RFT1: variants seen among roughly 807,000 people sequenced by gnomAD.
The protein encoded by RFT1 is man(5)GlcNAc(2)-PP-dolichol translocation protein RFT1.
A neutral mutation model predicts 62.2 loss-of-function variants in RFT1; 43 were observed. The observed-to-expected ratio is 0.69, with a 90% CI of 0.54 to 0.89. The LOEUF (loss-of-function observed/expected upper bound fraction) is 0.89, where lower values mean the gene tolerates loss of function less well. Ranked by LOEUF, RFT1 falls within the 40% of genes least tolerant of loss-of-function variation. The pLI is 0.00. For synonymous variants in RFT1, 262 were observed against 264.6 expected, an observed-to-expected ratio of 0.99 and a Z score of 0.10; for missense variants, 605 against 649.9, an observed-to-expected ratio of 0.93 and a Z score of 0.75.
At chr3:53,124,237 C>T (rs369091952) in intron 2 of RFT1, among the ~76,000 whole-genome samples, 4 of 152,280 alleles carry the variant, frequency 2.6e-5, no homozygotes, top group East Asian at 1.9e-4. Context: ...GAGCCTCTAC[C>T]GAGTGGAGGC....
chr3:53,108,024 A>G (rs1319253304), intron 7 of RFT1, among the ~76,000 whole-genome samples: 1 of 152,156 alleles, frequency 6.6e-6, no homozygotes, highest in Non-Finnish European at 1.5e-5. Context: ...TAACAGTTCC[A>G]GCTTCTGCAA....
chr3:53,104,062 G>T lies in RFT1; in HGVS notation c.993C>A (p.Ser331=). 1 of 1,614,164 alleles carries T rather than the reference G, an allele frequency of 6.2e-7. No homozygotes were observed. Among genetic ancestry groups the T allele is most frequent in the Non-Finnish European group, 8.5e-7 (1 of 1,180,028 alleles). Residue 331 remains serine (S), a synonymous_variant, in exon 10 of 13, where the codon TCC becomes TCA. Transcript: ENST00000296292. ...CGGCCAGCAGGGCCAGCTTGAGCAG[G>T]GACTCCAAGACTGCAGCAGCCACAG... The part of the protein sequence containing the change: ...DVAVAAAVLE[S]LLKLALLAGL...
At chr3:53,120,081 A>C in intron 5 of RFT1, 60 bp from the exon 6 acceptor site, 1 of 1,434,224 alleles carries the variant, frequency 7.0e-7, no homozygotes, top group Non-Finnish European at 9.5e-7. Flanking sequence ...TATAAATTTG[A>C]TCTCAAAGGC....
intron 11 of RFT1, among the ~76,000 whole-genome samples, chr3:53,095,995 G>T (rs1435283141): frequency 5.9e-5 from 9 of 152,160 alleles, no homozygotes; most frequent in South Asian, 4.1e-4. Context: ...CAACTGATCT[G>T]CCTAGAAGTC....
chr3:53,114,742 T>C (rs1049020222), intron 6 of RFT1, among the ~76,000 whole-genome samples: 1 of 151,946 alleles, frequency 6.6e-6, no homozygotes, highest in Non-Finnish European at 1.5e-5. Context: ...GCCCTCACTG[T>C]ACTAACGGAG....
intron 6 of RFT1, among the ~76,000 whole-genome samples, chr3:53,119,004 A>G (rs943731474): frequency 3.3e-5 from 5 of 152,078 alleles, no homozygotes; most frequent in Non-Finnish European, 7.4e-5. Context: ...TAAACTCAGG[A>G]GTTCAACACT....
chr3:53,091,450 TGA>T lies in RFT1; in HGVS notation c.*451_*452del. ...CCACACTCTGTTTCCATGTGGTGCA[TGA>T]GAGAGAGAGGTTTCTCTCTCTCTTT... is the stretch of plus-strand genomic sequence containing the variant. On this transcript the variant is annotated 3_prime_UTR_variant, in exon 13 of 13. Coordinates refer to ENST00000296292, the MANE Select transcript of RFT1 (RefSeq NM_052859.4). 5.0e-6 allele frequency: 1 copy of T among 201,598 alleles called. No homozygotes were observed. The highest frequency in any genetic ancestry group is 1.0e-5 in the Non-Finnish European group (1 of 96,346). The allele number at this position is 201,598 out of a possible 1,614,324, so 12.5% of individuals were successfully genotyped here. A position where few individuals can be genotyped will look rare whatever the true frequency, so the allele number is the denominator to read the frequency against.
intron 10 of RFT1, among the ~76,000 whole-genome samples, chr3:53,102,207 A>G (rs1701336838): frequency 6.6e-6 from 1 of 152,234 alleles, no homozygotes; most frequent in Non-Finnish European, 1.5e-5. Flanking sequence ...AGCAACCATT[A>G]GCAACTAGAA....
At chr3:53,111,798 C>A in intron 7 of RFT1, 32 bp downstream of exon 7, 1 of 1,572,690 alleles carries the variant, frequency 6.4e-7, no homozygotes, top group South Asian at 1.1e-5. Context: ...CTACTATGGT[C>A]TCCCGACGAT....
intron 11 of RFT1, among the ~76,000 whole-genome samples, chr3:53,098,559 T>G (rs917186663): frequency 6.6e-6 from 1 of 151,970 alleles, no homozygotes; most frequent in African/African-American, 2.4e-5. Flanking sequence ...TCCCGGCACT[T>G]TGGGAGGCCA....
rs1459247415 is a variant in RFT1 at position 53,104,401 on chromosome 3, A to T, written c.958-304T>A. 2.7e-3 allele frequency among the ~76,000 whole-genome samples: 403 copies of T among 146,752 alleles called. 2 individuals carry two copies. The highest frequency in any genetic ancestry group is 9.5e-3 in the African/African-American group (385 of 40,496). ...GATATTTGTTCTTTTTTTTTTTTTT[A>T]AATAGAAATAGAGAAGGGAGTCTCA... is the stretch of plus-strand genomic sequence containing the variant. On this transcript the variant is annotated intron_variant, in intron 9 of 12. Coordinates refer to ENST00000296292, the MANE Select transcript of RFT1 (RefSeq NM_052859.4).
intron 3 of RFT1, 110 bp downstream of exon 3, chr3:53,123,614 C>G (rs531383673): frequency 1.2e-6 from 1 of 862,054 alleles, no homozygotes; most frequent in East Asian, 2.4e-5. Flanking sequence ...AAACCCATGA[C>G]GAAACTGAAT....
chr3:53,081,145 T>A, the RFT1 span, among the ~76,000 whole-genome samples: 2 of 152,134 alleles, frequency 1.3e-5, no homozygotes, highest in African/African-American at 4.8e-5. Flanking sequence ...GAGGACATCA[T>A]AAGAACCAGC....
chr3:53,076,475 CAA>C, the RFT1 span, among the ~76,000 whole-genome samples: 1 of 152,070 alleles, frequency 6.6e-6, no homozygotes, highest in African/African-American at 2.4e-5. Flanking sequence ...TGAGGAAAAA[CAA>C]AGAATCATAG....
intron 11 of RFT1, among the ~76,000 whole-genome samples, chr3:53,094,351 G>GCA (rs55637878): frequency 0.017 from 2,539 of 149,844 alleles, 48 homozygotes; most frequent in African/African-American, 0.052. Flanking sequence ...AATACTACAC[G>GCA]CACACACACA....
intron 2 of RFT1, 119 bp from the exon 3 acceptor site, chr3:53,123,959 T>A: frequency 1.3e-6 from 1 of 769,930 alleles, no homozygotes; most frequent in Non-Finnish European, 2.2e-6. Context: ...GGTGGTGATG[T>A]GGAAGGCAGT....
At position 53,122,555 on chromosome 3, in the gene RFT1, A is replaced by G; in HGVS notation, c.275T>C (p.Leu92Pro). 1 of 1,607,114 alleles carries G rather than the reference A, an allele frequency of 6.2e-7. No homozygotes were observed. The highest frequency in any genetic ancestry group is 8.5e-7 in the Non-Finnish European group (1 of 1,175,730). The change falls in exon 4 of 13, where the codon CTG becomes CCG. Residue 92 changes from leucine to proline, a missense_variant. By Grantham distance (98) the Leu-to-Pro change is moderately conservative. Coordinates refer to ENST00000296292, the MANE Select transcript of RFT1 (RefSeq NM_052859.4). ...TLNLLWLTVP[L>P]GVFWSLFLGW... ...CAGGAATAAGGACCAAAACACACCCAGGGGGACTCTAGAAGAGGAGAAAAA... is the reference window on the plus strand; with the variant it reads ...CAGGAATAAGGACCAAAACACACCCGGGGGGACTCTAGAAGAGGAGAAAAA...
intron 10 of RFT1, among the ~76,000 whole-genome samples, chr3:53,102,942 G>A (rs769850322): frequency 6.6e-6 from 1 of 152,162 alleles, no homozygotes. Context: ...CAGAATAGTC[G>A]AGTTCCCAAT....
chr3:53,073,764 C>T, the RFT1 span, among the ~76,000 whole-genome samples: 64,907 of 151,992 alleles, frequency 0.43, 16,620 homozygotes, highest in East Asian at 0.71. Flanking sequence ...GAGCAGAGGC[C>T]CCGTTGTGCA....
Sources: gnomAD v4.1 joint callset for allele counts (sites outside exome capture counted in the v4.1 genomes callset) on GRCh38, gnomAD v4.1.1 for gene constraint, MANE v1.5 for transcripts, NCBI Gene and HGNC (gene_info 2026-07-23, HGNC 2026-07-21) for gene names.